SDSL: variants seen among roughly 807,000 people sequenced by gnomAD.
SDSL encodes serine dehydratase like, also known as serine dehydratase-like.
In SDSL, 26 loss-of-function variants were observed where a neutral mutation model predicts 27.6. The ratio of observed to expected loss-of-function variants is 0.94; its 90% CI spans 0.69 to 1.31. SDSL has a LOEUF of 1.31. Among genes scored for constraint, SDSL ranks in the 50% most tolerant of loss-of-function variants. SDSL has a pLI of 0.00. For synonymous variants in SDSL, 196 were observed against 180.6 expected, an observed-to-expected ratio of 1.09 and a Z score of -0.69; for missense variants, 431 against 423.5, an observed-to-expected ratio of 1.02 and a Z score of -0.16.
At chr12:113,434,886 G>A (rs1217039172) in intron 5 of SDSL, among the ~76,000 whole-genome samples, 2 of 152,158 alleles carry the variant, frequency 1.3e-5, no homozygotes, top group African/African-American at 2.4e-5. Context: ...AGGCCGAGGC[G>A]GGTGGATCAC....
At chr12:113,428,298 G>A in intron 2 of SDSL, 122 bp from the exon 3 acceptor site, 1 of 1,311,314 alleles carries the variant, frequency 7.6e-7, no homozygotes, top group Non-Finnish European at 1.1e-6. Flanking sequence ...GGGCAGGGCT[G>A]TGGGCAGGAT....
At chr12:113,424,265 G>A (rs1201482110) in intron 1 of SDSL, among the ~76,000 whole-genome samples, 3 of 151,892 alleles carry the variant, frequency 2.0e-5, no homozygotes, top group African/African-American at 4.8e-5. Flanking sequence ...CAGGTGATCC[G>A]CCTGCCTCTG....
At chr12:113,429,753 C>G (rs536400431) in intron 4 of SDSL, among the ~76,000 whole-genome samples, 3 of 152,146 alleles carry the variant, frequency 2.0e-5, no homozygotes, top group African/African-American at 7.2e-5. Context: ...GACACAGATA[C>G]AAAATCTGTC....
chr12:113,425,168 G>A (rs891699382), intron 1 of SDSL, among the ~76,000 whole-genome samples: 9 of 152,172 alleles, frequency 5.9e-5, no homozygotes, highest in African/African-American at 2.2e-4. Context: ...AGTCGGAGCT[G>A]GTTTCTAACT....
chr12:113,437,893 G>A lies in SDSL; in HGVS notation c.804G>A (p.Glu268=). The A allele has an allele frequency of 6.2e-7, 1 of 1,605,838 alleles. No homozygotes were observed. Among genetic ancestry groups the A allele is most frequent in the Non-Finnish European group, 8.5e-7 (1 of 1,176,534 alleles). Residue 268 remains glutamate, a synonymous_variant, in exon 8 of 8, where the codon GAG becomes GAA. Coordinates refer to ENST00000403593, the MANE Select transcript of SDSL (RefSeq NM_001304993.2). ...VSAVQQLLDD[E]RMLVEPACGA... ...ATCCCCCGATCCTGGCAGATGATGA[G>A]CGTATGCTGGTGGAGCCTGCCTGTG... is the stretch of plus-strand genomic sequence containing the variant.
intron 4 of SDSL, among the ~76,000 whole-genome samples, chr12:113,432,270 T>TTCTTTCTTTCTTTCTCTC (rs1957939553): frequency 3.9e-4 from 45 of 116,336 alleles, no homozygotes; most frequent in African/African-American, 1.3e-3. Context: ...CTTTCTTTCT[T>TTCTTTCTTTCTTTCTCTC]TCTTTCTTTC....
rs772587898 is a variant in SDSL, at chr12:113,435,566, G to C, written c.671+10G>C. 18 of 1,608,696 alleles carry C rather than the reference G, an allele frequency of 1.1e-5. No individual in the cohort carries two copies. The highest frequency in any genetic ancestry group is 1.5e-5 in the Non-Finnish European group (18 of 1,176,328). ...TTCCAGACATCACCAGGTGGGTAAGGGCTGGGGACATTTGTAGGGGCTGGA... is the reference window on the plus strand; with the variant it reads ...TTCCAGACATCACCAGGTGGGTAAGCGCTGGGGACATTTGTAGGGGCTGGA... On this transcript the variant is annotated intron_variant, in intron 6 of 7. Coordinates refer to ENST00000403593, the MANE Select transcript of SDSL (RefSeq NM_001304993.2).
rs1957887576 is a variant in SDSL at position 113,429,161 on chromosome 12, G to C, written c.216G>C (p.Gly72=). The change falls in exon 4 of 8, where the codon GGG becomes GGC. Residue 72 remains glycine (G), a splice_region_variant and synonymous_variant. Coordinates refer to ENST00000403593, the MANE Select transcript of SDSL (RefSeq NM_001304993.2). ...KGCRHLVCSS[G]GNAGIAAAYA... is the part of the protein sequence containing the mutation. The stretch of plus-strand genomic sequence containing the variant: ...GCCCCTTTCCTCCTTTCTGCACAGG[G>C]GGTAATGCGGGCATCGCTGCTGCCT... 4 of 1,612,668 alleles carry C rather than the reference G, an allele frequency of 2.5e-6. No homozygotes were observed. Among genetic ancestry groups the C allele is most frequent in the African/African-American group, 2.7e-5 (2 of 74,888 alleles).
Position 113,435,425 on chromosome 12 carries a change from C to T in SDSL, c.540C>T (p.Ala180=), listed in dbSNP as rs144201756. Residue 180 remains alanine, a synonymous_variant, in exon 6 of 8, where the codon GCC becomes GCT. Transcript: ENST00000403593. ...VLAVGGGGLL[A]GVVAGLLEVG... is the part of the protein sequence containing the mutation. ...CAGTTGGGGGTGGGGGTCTCCTGGCCGGGGTGGTGGCTGGCCTGCTGGAGG... is the reference window on the plus strand; with the variant it reads ...CAGTTGGGGGTGGGGGTCTCCTGGCTGGGGTGGTGGCTGGCCTGCTGGAGG... 92 of 1,613,270 alleles carry T rather than the reference C, an allele frequency of 5.7e-5. No individual in the cohort carries two copies. The African/African-American group carries it at 7.5e-4, about 13-fold the overall frequency.
intron 5 of SDSL, among the ~76,000 whole-genome samples, chr12:113,434,853 G>A (rs1037310026): frequency 3.9e-5 from 6 of 152,218 alleles, no homozygotes; most frequent in South Asian, 4.1e-4. Flanking sequence ...GGTGGCTCAC[G>A]CCTGTAATCC....
chr12:113,436,035 T>G (rs956426822), intron 6 of SDSL, among the ~76,000 whole-genome samples: 23 of 152,164 alleles, frequency 1.5e-4, no homozygotes, highest in African/African-American at 5.3e-4. Flanking sequence ...ACGGAAGGTT[T>G]GCTTGAGCCC....
Position 113,436,760 on chromosome 12 carries a change from G to T in SDSL, c.681G>T (p.Lys227Asn). The T allele has an allele frequency of 6.2e-7, 1 of 1,607,970 alleles. No homozygotes were observed. Among genetic ancestry groups the T allele is most frequent in the Non-Finnish European group, 8.5e-7 (1 of 1,178,800 alleles). ...CTGCTCTATCCTGCAGTGTGGCCAA[G>T]AGCCTGGGTGCCAAGACGGTGGCCG... is the stretch of plus-strand genomic sequence containing the variant. ...VTLPDITSVA[K>N]SLGAKTVAAR... Residue 227 changes from lysine to asparagine, a missense_variant, in exon 7 of 8, where the codon AAG becomes AAT. By Grantham distance (94) the Lys-to-Asn change is moderately conservative. Coordinates refer to ENST00000403593, the MANE Select transcript of SDSL (RefSeq NM_001304993.2).
intron 6 of SDSL, among the ~76,000 whole-genome samples, chr12:113,436,337 A>G (rs1010725049): frequency 6.6e-6 from 1 of 151,122 alleles, no homozygotes; most frequent in Non-Finnish European, 1.5e-5. Context: ...TTCCCAGGCT[A>G]GAGTGCAATG....
intron 4 of SDSL, among the ~76,000 whole-genome samples, chr12:113,432,450 C>T (rs1593313805): frequency 1.3e-5 from 2 of 151,844 alleles, no homozygotes; most frequent in African/African-American, 2.4e-5. Context: ...CAAGCGATTC[C>T]GCTGCCTCAG....
At chr12:113,431,717 G>A (rs1224467516) in intron 4 of SDSL, among the ~76,000 whole-genome samples, 4 of 151,134 alleles carry the variant, frequency 2.6e-5, no homozygotes, top group Non-Finnish European at 5.9e-5. Flanking sequence ...GGGATTACAG[G>A]CACCCACCAC....
At chr12:113,435,753 T>C (rs1044943879) in intron 6 of SDSL, among the ~76,000 whole-genome samples, 197 bp downstream of exon 6, 2 of 152,218 alleles carry the variant, frequency 1.3e-5, no homozygotes, top group Non-Finnish European at 2.9e-5. Flanking sequence ...CATGTAAACC[T>C]AATCAGTTCT....
At chr12:113,436,730 C>T (rs765779286) in intron 6 of SDSL, 21 bp from the exon 7 acceptor site, 26 of 1,573,078 alleles carry the variant, frequency 1.7e-5, no homozygotes, top group Non-Finnish European at 2.1e-5. Flanking sequence ...TCTCCCTGCC[C>T]CACCCTGCTC....
chr12:113,428,261 C>T, intron 2 of SDSL, 105 bp downstream of exon 2: 7 of 1,337,976 alleles, frequency 5.2e-6, no homozygotes, highest in Non-Finnish European at 7.3e-6. Flanking sequence ...GAAACATGAA[C>T]TCGTGCAGAT....
At chr12:113,436,638 C>A in intron 6 of SDSL, 113 bp from the exon 7 acceptor site, 1 of 1,168,704 alleles carries the variant, frequency 8.6e-7, no homozygotes, top group Non-Finnish European at 1.1e-6. Context: ...ATGCTGAGCT[C>A]CAACCAGCCC....
Sources: allele counts gnomAD v4.1 joint callset (sites outside exome capture counted in the v4.1 genomes callset), GRCh38; gene constraint gnomAD v4.1.1; transcripts MANE v1.5; gene names NCBI Gene and HGNC (gene_info 2026-07-23, HGNC 2026-07-21).